Variants in RANBP2 observed in about 807,000 individuals in gnomAD.
RANBP2 encodes the protein E3 SUMO-protein ligase RanBP2.
In RANBP2, 57 loss-of-function variants were observed where a neutral mutation model predicts 303.6. That is an observed-to-expected ratio of 0.19 (90% CI 0.15 to 0.23). The LOEUF (loss-of-function observed/expected upper bound fraction) is 0.23. Ranked by LOEUF, RANBP2 falls within the 10% of genes least tolerant of loss-of-function variation. The probability of loss-of-function intolerance (pLI) is 1.00; values close to 1 mark genes in which losing one functional copy is unlikely to be tolerated. For synonymous variants in RANBP2, 1,167 were observed against 1,301.5 expected (o/e 0.90, Z 2.23); for missense variants, 3,138 against 3,780.8 (o/e 0.83, Z 4.46).
the RANBP2 span, among the ~76,000 whole-genome samples, chr2:109,122,604 T>G: frequency 6.6e-6 from 1 of 152,182 alleles, no homozygotes; most frequent in Non-Finnish European, 1.5e-5. Flanking sequence ...CTGTGGTGGC[T>G]CATGCCTCTA....
the RANBP2 span, chr2:109,436,834 C>T: frequency 3.2e-6 from 5 of 1,571,376 alleles, no homozygotes; most frequent in South Asian, 1.2e-5. Flanking sequence ...GCCAGAGGCC[C>T]ACATGGCACG....
the RANBP2 span, among the ~76,000 whole-genome samples, chr2:109,005,836 C>T: frequency 6.6e-6 from 1 of 152,238 alleles, no homozygotes; most frequent in African/African-American, 2.4e-5. Flanking sequence ...GTAACCACTT[C>T]ACATTTCAAC....
chr2:109,070,697 A>G, the RANBP2 span, among the ~76,000 whole-genome samples: 1 of 152,052 alleles, frequency 6.6e-6, no homozygotes, highest in Non-Finnish European at 1.5e-5. Context: ...CATCTCTACT[A>G]AAAATAGAAA....
the RANBP2 span, among the ~76,000 whole-genome samples, chr2:109,671,567 G>T: frequency 1.3e-5 from 2 of 152,194 alleles, no homozygotes; most frequent in African/African-American, 2.4e-5. Context: ...AATCTGGAGG[G>T]TGCCCTCCTC....
chr2:109,401,684 C>T, the RANBP2 span, among the ~76,000 whole-genome samples: 7 of 152,194 alleles, frequency 4.6e-5, no homozygotes, highest in Non-Finnish European at 1.0e-4. Flanking sequence ...CCCACAGGCC[C>T]CTGAGATGTG....
At chr2:109,689,050 G>A in the RANBP2 span, among the ~76,000 whole-genome samples, 11 of 151,786 alleles carry the variant, frequency 7.2e-5, no homozygotes, top group Non-Finnish European at 1.2e-4. Flanking sequence ...GGGATTACAG[G>A]CACCCAAGAC....
At chr2:108,779,472 C>T (rs1678094564) in intron 25 of RANBP2, among the ~76,000 whole-genome samples, 1 of 152,108 alleles carries the variant, frequency 6.6e-6, no homozygotes, top group Admixed American at 6.5e-5. Flanking sequence ...GCCCTCTCTC[C>T]TCTTTAAAAA....
the RANBP2 span, among the ~76,000 whole-genome samples, chr2:109,285,682 T>TG: frequency 5.6e-4 from 85 of 152,310 alleles, no homozygotes; most frequent in African/African-American, 2.0e-3. Flanking sequence ...AAAGTTCACT[T>TG]GGGGCTCATG....
the RANBP2 span, among the ~76,000 whole-genome samples, chr2:109,682,509 T>C: frequency 2.6e-5 from 4 of 152,116 alleles, no homozygotes; most frequent in Non-Finnish European, 5.9e-5. Context: ...CCTGGTATGG[T>C]ATTTTGAATT....
the RANBP2 span, chr2:108,812,910 G>A: frequency 1.9e-6 from 3 of 1,613,342 alleles, no homozygotes; most frequent in Non-Finnish European, 1.7e-6. Flanking sequence ...AAAAGCACCA[G>A]TTTCAAAAAC....
the RANBP2 span, among the ~76,000 whole-genome samples, chr2:109,148,169 G>A: frequency 1.3e-5 from 2 of 152,250 alleles, no homozygotes; most frequent in East Asian, 1.9e-4. Flanking sequence ...TGTTCTTACC[G>A]ATGGTGGAAA....
chr2:109,679,723 A>C, the RANBP2 span, among the ~76,000 whole-genome samples: 1 of 152,198 alleles, frequency 6.6e-6, no homozygotes, highest in Non-Finnish European at 1.5e-5. Flanking sequence ...ATCTTGTTAC[A>C]AATGGGTCCT....
chr2:108,831,949 T>A, the RANBP2 span, among the ~76,000 whole-genome samples: 3 of 151,960 alleles, frequency 2.0e-5, no homozygotes, highest in African/African-American at 7.3e-5. Flanking sequence ...ACCAGGCTGG[T>A]CTTGAACTTC....
At chr2:108,728,591 TATTTATG>T in intron 1 of RANBP2, among the ~76,000 whole-genome samples, 1 of 118,124 alleles carries the variant, frequency 8.5e-6, no homozygotes, top group East Asian at 2.6e-4. Flanking sequence ...GCACCCAGCT[TATTTATG>T]ATGATGATGA....
the RANBP2 span, among the ~76,000 whole-genome samples, chr2:108,870,868 A>T: frequency 6.6e-6 from 1 of 152,222 alleles, no homozygotes; most frequent in Non-Finnish European, 1.5e-5. Flanking sequence ...TCAGAAGAAG[A>T]TGGAAAAAAC....
At chr2:109,619,977 GC>G in the RANBP2 span, among the ~76,000 whole-genome samples, 1 of 152,120 alleles carries the variant, frequency 6.6e-6, no homozygotes, top group African/African-American at 2.4e-5. Context: ...ATAACTACCT[GC>G]TTTTTCCATG....
chr2:109,026,857 A>G, the RANBP2 span, among the ~76,000 whole-genome samples: 14 of 152,186 alleles, frequency 9.2e-5, no homozygotes, highest in African/African-American at 2.9e-4. Context: ...CGAGGTCACC[A>G]TTCTGGCTAA....
At chr2:108,989,950 C>T in the RANBP2 span, among the ~76,000 whole-genome samples, 2 of 152,146 alleles carry the variant, frequency 1.3e-5, no homozygotes, top group Admixed American at 1.3e-4. Flanking sequence ...CCATCTTGTC[C>T]CCTCTGCCTT....
the RANBP2 span, among the ~76,000 whole-genome samples, chr2:108,861,855 C>T: frequency 1.3e-5 from 2 of 152,242 alleles, no homozygotes; most frequent in East Asian, 1.9e-4. Context: ...CTTCTTAGCA[C>T]TGTTTTTACT....
Sources: allele counts gnomAD v4.1 joint callset (sites outside exome capture counted in the v4.1 genomes callset), GRCh38; gene constraint gnomAD v4.1.1; transcripts MANE v1.5; gene names NCBI Gene and HGNC (gene_info 2026-07-23, HGNC 2026-07-21).